Variants in RHOBTB3 observed in about 807,000 individuals in gnomAD.
RHOBTB3 encodes the protein rho-related BTB domain-containing protein 3.
A neutral mutation model predicts 67.2 loss-of-function variants in RHOBTB3; 47 were observed. The ratio of observed to expected loss-of-function variants is 0.70; its 90% confidence interval spans 0.55 to 0.89. The LOEUF (loss-of-function observed/expected upper bound fraction) is 0.89. RHOBTB3 is among the 40% of genes least tolerant of loss of function. The probability of loss-of-function intolerance (pLI) is 0.00; values close to 1 mark genes in which losing one functional copy is unlikely to be tolerated. For synonymous variants in RHOBTB3, 273 were observed against 274.2 expected (o/e 1.00, Z 0.04); for missense variants, 631 against 750.0 (o/e 0.84, Z 1.85).
intron 2 of RHOBTB3, among the ~76,000 whole-genome samples, chr5:95,735,695 A>C (rs1755438626): frequency 6.6e-6 from 1 of 152,226 alleles, no homozygotes; most frequent in African/African-American, 2.4e-5. Flanking sequence ...TTAATAGTTA[A>C]CTAGAATGTG....
At chr5:95,736,249 C>T (rs769071661) in intron 2 of RHOBTB3, among the ~76,000 whole-genome samples, 7 of 152,102 alleles carry the variant, frequency 4.6e-5, no homozygotes, top group Admixed American at 1.3e-4. Flanking sequence ...AGGCAAAATA[C>T]GTGAATTGAA....
At position 95,758,569 on chromosome 5, in the gene RHOBTB3, GT is replaced by G. The variant is rs1340393930; in HGVS notation, c.1048+2810del. ...CTGGGCTTTAGAAAGCTCATCTCTG[GT>G]TGTGGTTGCAGGGTGGAACAGTGCG... On this transcript the variant is annotated intron_variant, in intron 6 of 11. Transcript: ENST00000379982. 2.0e-5 allele frequency among the ~76,000 whole-genome samples: 3 copies of G among 152,226 alleles called. No individual in the cohort carries two copies. In the East Asian group the frequency reaches 5.8e-4, roughly 29 times the overall value.
At chr5:95,783,561 C>CAAAA (rs201633409) in intron 9 of RHOBTB3, 1,771 of 107,412 alleles carry the variant, frequency 0.016, 212 homozygotes, top group African/African-American at 0.047. Context: ...CCTGTCTCTA[C>CAAAA]AAAAAAAAAA....
intron 1 of RHOBTB3, among the ~76,000 whole-genome samples, chr5:95,719,420 C>T (rs1198716765): frequency 6.6e-6 from 1 of 152,058 alleles, no homozygotes; most frequent in East Asian, 1.9e-4. Flanking sequence ...ACCTAGATGG[C>T]CAAGATAAGT....
intron 5 of RHOBTB3, among the ~76,000 whole-genome samples, chr5:95,754,204 C>T (rs1222425583): frequency 2.0e-5 from 3 of 152,208 alleles, no homozygotes; most frequent in African/African-American, 7.2e-5. Flanking sequence ...GAAATGCAGC[C>T]TCAGCGTTCA....
At chr5:95,761,044 G>A (rs1483560486) in intron 6 of RHOBTB3, among the ~76,000 whole-genome samples, 1 of 152,116 alleles carries the variant, frequency 6.6e-6, no homozygotes, top group East Asian at 1.9e-4. Context: ...CAGTTCAGTG[G>A]CCTGTGGGGA....
chr5:95,767,997 T>G, intron 7 of RHOBTB3, 49 bp from the exon 8 acceptor site: 4 of 1,583,770 alleles, frequency 2.5e-6, no homozygotes, highest in Non-Finnish European at 3.5e-6. Flanking sequence ...CTATATGTTA[T>G]CAAAGCATGT....
intron 3 of RHOBTB3, among the ~76,000 whole-genome samples, chr5:95,739,789 C>T (rs1755548517): frequency 6.6e-6 from 1 of 152,130 alleles, no homozygotes; most frequent in African/African-American, 2.4e-5. Flanking sequence ...AAGCCATCTG[C>T]CCCCCTCAGT....
chr5:95,731,643 C>T lies in RHOBTB3; in HGVS notation c.-40C>T. The stretch of plus-strand genomic sequence containing the variant: ...GGCCCCGCGAAGCCGTGAGCCGCTG[C>T]TTTTCTCCGAGTCGCCGCCCTGCCC... On this transcript the variant is annotated 5_prime_UTR_variant, in exon 1 of 12. Coordinates refer to ENST00000379982, the MANE Select transcript of RHOBTB3 (RefSeq NM_014899.4). 6.2e-7 allele frequency: 1 copy of T among 1,612,520 alleles called. No individual in the cohort carries two copies. The highest frequency in any genetic ancestry group is 1.1e-5 in the South Asian group (1 of 90,794).
chr5:95,768,735 C>G (rs1391159820), intron 8 of RHOBTB3, among the ~76,000 whole-genome samples: 1 of 152,210 alleles, frequency 6.6e-6, no homozygotes, highest in Non-Finnish European at 1.5e-5. Flanking sequence ...TGCTGCTTAT[C>G]TCTCTAAGAA....
rs1380457106 is a variant in RHOBTB3 at position 95,768,153 on chromosome 5, C to T, written c.1269C>T (p.Val423=). ...ATAAGCCGATGCTTGCCGATGTTGT[C>T]TTCGAAATTCAAGGTACGGATCAAC... ...FLNKPMLADV[V]FEIQGTTVPA... The change falls in exon 8 of 12, where the codon GTC becomes GTT. Residue 423 remains valine, a synonymous_variant. Coordinates refer to ENST00000379982, the MANE Select transcript of RHOBTB3 (RefSeq NM_014899.4). 6.2e-7 allele frequency: 1 copy of T among 1,611,600 alleles called. No homozygotes were observed. Among genetic ancestry groups the T allele is most frequent in the Non-Finnish European group, 8.5e-7 (1 of 1,179,292 alleles).
Position 95,793,276 on chromosome 5 carries a change from A to G in RHOBTB3, c.*102A>G. ...TCTGACCGAAACCAATGTGGGTGTT[A>G]GAAAAATTACCATATAGCTTAATAT... On this transcript the variant is annotated 3_prime_UTR_variant, in exon 12 of 12. Coordinates refer to ENST00000379982, the MANE Select transcript of RHOBTB3 (RefSeq NM_014899.4). 1 of 692,464 alleles carries G rather than the reference A, an allele frequency of 1.4e-6. No homozygotes were observed. Among genetic ancestry groups the G allele is most frequent in the Non-Finnish European group, 2.4e-6 (1 of 413,386 alleles). The allele number at this position is 692,464 out of a possible 1,614,324, so 42.9% of individuals were successfully genotyped here.
chr5:95,753,591 G>GA (rs1380514544), intron 5 of RHOBTB3, among the ~76,000 whole-genome samples: 4 of 152,126 alleles, frequency 2.6e-5, no homozygotes, highest in African/African-American at 9.7e-5. Context: ...ATATATAAAT[G>GA]ATACACACTT....
Position 95,755,608 on chromosome 5 carries a change from AT to A in RHOBTB3, c.896del (p.Ile299ThrfsTer10). Reference protein sequence around the residue: ...SPTDIQDSSIIRTTQDLFAIN... With the variant: ...SPTDIQDSSIXRTTQDLFAIN... ...CACTGACATTCAGGATTCCAGTATCATCCGAACTACCCAGGATCTTTTTGCT... is the reference window on the plus strand; with the variant it reads ...CACTGACATTCAGGATTCCAGTATCACCGAACTACCCAGGATCTTTTTGCT... On this transcript the variant is annotated frameshift_variant, in exon 6 of 12. Coordinates refer to ENST00000379982, the MANE Select transcript of RHOBTB3 (RefSeq NM_014899.4). LOFTEE classifies it high-confidence loss of function. The A allele has an allele frequency of 6.2e-7, 1 of 1,614,174 alleles. No homozygotes were observed. The highest frequency in any genetic ancestry group is 8.5e-7 in the Non-Finnish European group (1 of 1,180,020).
rs752073677 is a variant in RHOBTB3, at chr5:95,736,917, C to T, written c.257C>T (p.Ser86Phe). ...ATATTTGACAGTGATTGGTACACTT[C>T]TCGAAATCTAATTGGGGGCGCTGAC... The part of the protein sequence containing the change: ...WDIFDSDWYT[S>F]RNLIGGADII... The change falls in exon 3 of 12, where the codon TCT becomes TTT. Residue 86 changes from serine to phenylalanine, a missense_variant. Transcript: ENST00000379982. 5.0e-6 allele frequency: 8 copies of T among 1,610,628 alleles called. No individual in the cohort carries two copies. The Middle Eastern group carries it at 5.0e-4, about 100-fold the overall frequency.
Position 95,755,636 on chromosome 5 carries a change from T to C in RHOBTB3, c.923T>C (p.Ile308Thr). The C allele has an allele frequency of 6.2e-7, 1 of 1,614,192 alleles. No homozygotes were observed. The highest frequency in any genetic ancestry group is 8.5e-7 in the Non-Finnish European group (1 of 1,180,024). Residue 308 changes from isoleucine to threonine, a missense_variant, in exon 6 of 12, where the codon ATA becomes ACA. Coordinates refer to ENST00000379982, the MANE Select transcript of RHOBTB3 (RefSeq NM_014899.4). ...CGAACTACCCAGGATCTTTTTGCTA[T>C]AAACAGAGATACTGCATTTCCAGGT... Reference protein sequence around the residue: ...IIRTTQDLFAINRDTAFPGAS... With the variant: ...IIRTTQDLFATNRDTAFPGAS...
chr5:95,756,991 CTT>C (rs1377388426), intron 6 of RHOBTB3, among the ~76,000 whole-genome samples: 1 of 152,138 alleles, frequency 6.6e-6, no homozygotes, highest in South Asian at 2.1e-4. Context: ...CGGTTTGACT[CTT>C]AGGTTTTGTA....
intron 5 of RHOBTB3, among the ~76,000 whole-genome samples, chr5:95,755,024 T>G (rs1279760443): frequency 6.6e-6 from 1 of 152,192 alleles, no homozygotes; most frequent in Non-Finnish European, 1.5e-5. Flanking sequence ...AATACTAAAG[T>G]TCAGTATTTG....
chr5:95,728,816 A>G (rs1755132445), upstream of RHOBTB3, among the ~76,000 whole-genome samples: 1 of 152,200 alleles, frequency 6.6e-6, no homozygotes, highest in South Asian at 2.1e-4. Flanking sequence ...GACCTTGCTG[A>G]TAAAACAGAA....
Sources: allele counts gnomAD v4.1 joint callset (sites outside exome capture counted in the v4.1 genomes callset), GRCh38; gene constraint gnomAD v4.1.1; transcripts MANE v1.5; gene names NCBI Gene and HGNC (gene_info 2026-07-23, HGNC 2026-07-21).